KIAA1217: variants seen among roughly 807,000 people sequenced by gnomAD.
KIAA1217 encodes KIAA1217.
In KIAA1217, 88 loss-of-function variants were observed where a neutral mutation model predicts 163.9. The ratio of observed to expected loss-of-function variants is 0.54; its 90% confidence interval spans 0.45 to 0.64. The LOEUF is 0.64. Among genes scored for constraint, KIAA1217 ranks in the 30% least tolerant of loss-of-function variants. KIAA1217 has a pLI of 0.00. For synonymous variants in KIAA1217, 903 were observed against 923.1 expected, an observed-to-expected ratio of 0.98 and a Z score of 0.39; for missense variants, 2,372 against 2,475.0, an observed-to-expected ratio of 0.96 and a Z score of 0.88.
intron 2 of KIAA1217, among the ~76,000 whole-genome samples, chr10:24,079,139 G>C (rs11815914): frequency 0.1 from 15,960 of 152,256 alleles, 1,352 homozygotes; most frequent in African/African-American, 0.24. Flanking sequence ...TTACTGGATT[G>C]ATTCACAAAA....
chr10:23,850,639 T>C (rs926659809), intron 1 of KIAA1217, among the ~76,000 whole-genome samples: 48 of 152,222 alleles, frequency 3.2e-4, no homozygotes, highest in African/African-American at 1.2e-3. Context: ...TTTCAATTAA[T>C]AAATAAATTA....
At chr10:23,705,641 G>A (rs536103441) in intron 1 of KIAA1217, among the ~76,000 whole-genome samples, 1 of 152,238 alleles carries the variant, frequency 6.6e-6, no homozygotes, top group Non-Finnish European at 1.5e-5. Context: ...GGATACTGTA[G>A]CTTTGAAATA....
intron 1 of KIAA1217, among the ~76,000 whole-genome samples, chr10:23,900,260 C>T (rs1240831798): frequency 6.6e-6 from 1 of 152,084 alleles, no homozygotes; most frequent in African/African-American, 2.4e-5. Flanking sequence ...CCCACCTCAG[C>T]CTCTCAAAGT....
At chr10:24,441,048 C>T (rs958378114) in intron 5 of KIAA1217, among the ~76,000 whole-genome samples, 1 of 152,252 alleles carries the variant, frequency 6.6e-6, no homozygotes, top group Non-Finnish European at 1.5e-5. Context: ...GCACAACCCA[C>T]TGCCCATGGT....
At chr10:24,499,805 T>C (rs1341890762) in intron 8 of KIAA1217, among the ~76,000 whole-genome samples, 1 of 152,126 alleles carries the variant, frequency 6.6e-6, no homozygotes, top group Non-Finnish European at 1.5e-5. Context: ...GTCAGTTCTT[T>C]AAAATGCCTT....
intron 2 of KIAA1217, among the ~76,000 whole-genome samples, chr10:24,132,042 A>G (rs886127843): frequency 1.3e-5 from 2 of 152,134 alleles, no homozygotes; most frequent in Non-Finnish European, 2.9e-5. Flanking sequence ...TCATTCAGGG[A>G]CCCAAGCTAC....
chr10:24,066,975 C>A (rs60811708), intron 2 of KIAA1217, among the ~76,000 whole-genome samples: 8,454 of 152,312 alleles, frequency 0.056, 254 homozygotes, highest in Middle Eastern at 0.17. Context: ...AGTTCTCATG[C>A]CATGGTTTTC....
chr10:23,926,670 A>G (rs11013790), intron 1 of KIAA1217, among the ~76,000 whole-genome samples: 30,319 of 151,848 alleles, frequency 0.2, 3,285 homozygotes, highest in Middle Eastern at 0.27. Flanking sequence ...GGTTGCAGTG[A>G]GCTGAGATCA....
At chr10:24,265,584 A>G (rs1360727299) in intron 2 of KIAA1217, among the ~76,000 whole-genome samples, 1 of 152,166 alleles carries the variant, frequency 6.6e-6, no homozygotes, top group Non-Finnish European at 1.5e-5. Context: ...GCAGCCGGCC[A>G]TAGCTGTCTT....
intron 2 of KIAA1217, among the ~76,000 whole-genome samples, chr10:24,017,040 G>GTTTTTTTTTTTTTTTTTTTT (rs35042335): frequency 2.3e-5 from 3 of 130,222 alleles, no homozygotes; most frequent in Non-Finnish European, 3.2e-5. Context: ...TAGTTTTTTT[G>GTTTTTTTTTTTTTTTTTTTT]TTTTTTTTTT....
At chr10:24,008,099 T>TG in intron 2 of KIAA1217, among the ~76,000 whole-genome samples, 1 of 152,122 alleles carries the variant, frequency 6.6e-6, no homozygotes, top group Non-Finnish European at 1.5e-5. Context: ...CATACAGCCC[T>TG]CAACATTCTG....
chr10:23,933,780 TA>T (rs908624824), intron 1 of KIAA1217, among the ~76,000 whole-genome samples: 2 of 151,378 alleles, frequency 1.3e-5, no homozygotes, highest in Admixed American at 1.3e-4. Context: ...AACAAACATA[TA>T]AAAAAAAGCT....
intron 2 of KIAA1217, among the ~76,000 whole-genome samples, chr10:24,074,091 C>T (rs561745206): frequency 1.4e-4 from 21 of 152,148 alleles, no homozygotes; most frequent in African/African-American, 4.6e-4. Flanking sequence ...TGCCTGTAAC[C>T]CCAGCACTTT....
chr10:23,988,225 A>G (rs2131430366), intron 1 of KIAA1217, among the ~76,000 whole-genome samples: 1 of 152,328 alleles, frequency 6.6e-6, no homozygotes, highest in African/African-American at 2.4e-5. Flanking sequence ...CATTCTCACA[A>G]AGTTTGGAAG....
rs144403604 is a variant in KIAA1217 at position 24,152,064 on chromosome 10, C to A, written c.-170-67562C>A. ...TTCTAGTTCTCCTTCCTCCCTTCCCCGCTCCCTCCCTCCCTGCATGGCTCT... is the reference window on the plus strand; with the variant it reads ...TTCTAGTTCTCCTTCCTCCCTTCCCAGCTCCCTCCCTCCCTGCATGGCTCT... On this transcript the variant is annotated intron_variant, in intron 2 of 18. Coordinates refer to the KIAA1217 transcript ENST00000376462. Among the ~76,000 whole-genome samples the A allele has an allele frequency of 3.0e-3, 462 of 152,132 alleles. 1 individual carries two copies. The highest frequency in any genetic ancestry group is 4.9e-3 in the Non-Finnish European group (330 of 67,976).
chr10:24,188,845 C>A (rs1188964534), intron 2 of KIAA1217, among the ~76,000 whole-genome samples: 1 of 152,142 alleles, frequency 6.6e-6, no homozygotes, highest in African/African-American at 2.4e-5. Flanking sequence ...GTGGCTCACG[C>A]CTGTAATCCC....
chr10:24,340,402 C>T (rs2046934602), intron 2 of KIAA1217, among the ~76,000 whole-genome samples: 1 of 152,190 alleles, frequency 6.6e-6, no homozygotes, highest in Admixed American at 6.5e-5. Flanking sequence ...CTCCTTCTCT[C>T]TTGCCTGCTG....
intron 16 of KIAA1217, among the ~76,000 whole-genome samples, chr10:24,535,231 G>A (rs1363919525): frequency 1.3e-5 from 2 of 152,126 alleles, no homozygotes. Context: ...ACACATCCGG[G>A]GCAAGCTAGG....
chr10:23,769,202 G>A (rs1008818383), intron 1 of KIAA1217, among the ~76,000 whole-genome samples: 13 of 152,292 alleles, frequency 8.5e-5, no homozygotes, highest in Middle Eastern at 6.8e-3. Context: ...CTGGTTGGTT[G>A]GGTGGAAGAT....
Sources: allele counts gnomAD v4.1 joint callset (sites outside exome capture counted in the v4.1 genomes callset), GRCh38; gene constraint gnomAD v4.1.1; transcripts MANE v1.5; gene names NCBI Gene and HGNC (gene_info 2026-07-23, HGNC 2026-07-21).